The following ATP6V1A variants were observed in gnomAD, a reference collection of about 807,000 sequenced individuals.
ATP6V1A encodes V-type proton ATPase catalytic subunit A.
A neutral mutation model predicts 70.1 loss-of-function variants in ATP6V1A; 18 were observed. That is an observed-to-expected ratio of 0.26 (90% confidence interval 0.18 to 0.38). The LOEUF (loss-of-function observed/expected upper bound fraction) is 0.38, where lower values mean the gene tolerates loss of function less well. Ranked by LOEUF, ATP6V1A falls within the 10% of genes least tolerant of loss-of-function variation. The pLI, the probability that ATP6V1A is intolerant of heterozygous loss-of-function variation, is 1.00. For missense variants in ATP6V1A, 424 were observed against 772.4 expected, an observed-to-expected ratio of 0.55 and a Z score of 5.35; for synonymous variants, 232 against 253.8, an observed-to-expected ratio of 0.91 and a Z score of 0.82.
At chr3:113,794,473 A>G (rs1709131262) in intron 8 of ATP6V1A, among the ~76,000 whole-genome samples, 1 of 152,224 alleles carries the variant, frequency 6.6e-6, no homozygotes, top group South Asian at 2.1e-4. Flanking sequence ...TCAAGTGTTC[A>G]GGGCACTCTT....
chr3:113,791,341 A>C (rs1709089651), intron 8 of ATP6V1A, among the ~76,000 whole-genome samples: 1 of 147,742 alleles, frequency 6.8e-6, no homozygotes, highest in East Asian at 2.0e-4. Context: ...ATCTCTTCTT[A>C]TCTTACTCCA....
intron 9 of ATP6V1A, 27 bp downstream of exon 9, chr3:113,795,021 A>T: frequency 6.2e-7 from 1 of 1,613,400 alleles, no homozygotes; most frequent in Non-Finnish European, 8.5e-7. Flanking sequence ...CTTATCATGT[A>T]AACAAGACTG....
chr3:113,790,108 A>G (rs1448443695), intron 8 of ATP6V1A, among the ~76,000 whole-genome samples: 1 of 151,926 alleles, frequency 6.6e-6, no homozygotes, highest in Non-Finnish European at 1.5e-5. Context: ...TGTCTCTACT[A>G]AAAATACAAA....
rs546738970 is a variant in ATP6V1A, at chr3:113,782,552, A to G, written c.211+1374A>G. Among the ~76,000 whole-genome samples the G allele has an allele frequency of 9.0e-3, 1,316 of 146,958 alleles. 18 individuals are homozygous for G. The highest frequency in any genetic ancestry group is 0.031 in the African/African-American group (1,257 of 40,186). On this transcript the variant is annotated intron_variant, in intron 3 of 14. Transcript: ENST00000273398. ...TCTCTCTCTCTCTCTCTATATATAT[A>G]TATACATGTGTATATATATACGTAT... is the stretch of plus-strand genomic sequence containing the variant.
intron 8 of ATP6V1A, among the ~76,000 whole-genome samples, chr3:113,791,837 A>G (rs1199947507): frequency 6.6e-6 from 1 of 152,108 alleles, no homozygotes. Context: ...GCGACTGGCC[A>G]TGTAGCTTTT....
chr3:113,781,524 G>GA (rs541740531), intron 3 of ATP6V1A, among the ~76,000 whole-genome samples: 19 of 146,870 alleles, frequency 1.3e-4, no homozygotes, highest in Admixed American at 8.8e-4. Context: ...TCTCAGAAAA[G>GA]AAAAAAAAAA....
At chr3:113,774,805 C>T in intron 1 of ATP6V1A, among the ~76,000 whole-genome samples, 1 of 150,088 alleles carries the variant, frequency 6.7e-6, no homozygotes, top group East Asian at 1.9e-4. Context: ...AGAGTGAGAC[C>T]CTGTCTCAAA....
chr3:113,782,542 CTATA>C (rs1553709712), intron 3 of ATP6V1A, among the ~76,000 whole-genome samples: 7 of 141,166 alleles, frequency 5.0e-5, no homozygotes, highest in Admixed American at 3.6e-4. Context: ...CTCTCTCTCT[CTATA>C]TATATATATA....
chr3:113,753,133 A>G (rs1039137517), intron 1 of ATP6V1A, among the ~76,000 whole-genome samples: 1 of 152,210 alleles, frequency 6.6e-6, no homozygotes, highest in African/African-American at 2.4e-5. Context: ...GAAAAAGTTC[A>G]CCCAGTAAAA....
Position 113,788,723 on chromosome 3 carries a change from G to A in ATP6V1A, c.727G>A (p.Gly243Arg). 6.2e-7 allele frequency: 1 copy of A among 1,613,606 alleles called. No homozygotes were observed. Among genetic ancestry groups the A allele is most frequent in the Non-Finnish European group, 8.5e-7 (1 of 1,179,806 alleles). Residue 243 changes from glycine to arginine, a missense_variant, in exon 7 of 15, where the codon GGA (glycine) becomes AGA (arginine). By Grantham distance (125) the Gly-to-Arg change is moderately radical. This residue lies in a region of ATP6V1A where 22 missense variants were observed against 45.6 expected (regional missense o/e 0.48). Coordinates refer to ENST00000273398, the MANE Select transcript of ATP6V1A (RefSeq NM_001690.4). ...VLDALFPCVQ[G>R]GTTAIPGAFG... ...GTTTTCTTTGTTTAGGTGTGTCCAGGGAGGAACTACTGCTATCCCTGGAGC... is the reference window on the plus strand; with the variant it reads ...GTTTTCTTTGTTTAGGTGTGTCCAGAGAGGAACTACTGCTATCCCTGGAGC...
chr3:113,759,192 TTA>T (rs1166158908), intron 1 of ATP6V1A, among the ~76,000 whole-genome samples: 2 of 152,166 alleles, frequency 1.3e-5, no homozygotes, highest in Non-Finnish European at 2.9e-5. Context: ...GCTTTTAGCG[TTA>T]TGTCAAATCC....
chr3:113,780,113 C>A (rs375703702), intron 2 of ATP6V1A, among the ~76,000 whole-genome samples: 16 of 152,140 alleles, frequency 1.1e-4, no homozygotes, highest in Admixed American at 5.9e-4. Context: ...TTTTAAATTT[C>A]ATTATCTCTG....
Position 113,809,917 on chromosome 3 carries a change from T to C in ATP6V1A, c.*490T>C, listed in dbSNP as rs1275320421. Reference sequence around the variant, plus strand: ...TGCAAAGGAATTGCTTTGCAGGAAATATTTAATTTTCAAAAACATAATGAT... The same window carrying C: ...TGCAAAGGAATTGCTTTGCAGGAAACATTTAATTTTCAAAAACATAATGAT... On this transcript the variant is annotated 3_prime_UTR_variant, in exon 15 of 15. Coordinates refer to ENST00000273398, the MANE Select transcript of ATP6V1A (RefSeq NM_001690.4). 2 of 152,296 alleles carry C rather than the reference T, an allele frequency of 1.3e-5. No homozygotes were observed. Among genetic ancestry groups the C allele is most frequent in the Admixed American group, 1.3e-4 (2 of 15,292 alleles). 9.4% of individuals were successfully genotyped at this position (152,296 alleles called of 1,614,324 possible).
intron 1 of ATP6V1A, among the ~76,000 whole-genome samples, chr3:113,748,833 T>C (rs912219393): frequency 4.6e-5 from 7 of 152,228 alleles, no homozygotes; most frequent in Non-Finnish European, 1.0e-4. Context: ...TGTATTGATA[T>C]ATTTATGTCA....
At chr3:113,754,052 A>G (rs1489890881) in intron 1 of ATP6V1A, among the ~76,000 whole-genome samples, 2 of 152,242 alleles carry the variant, frequency 1.3e-5, no homozygotes, top group East Asian at 3.8e-4. Flanking sequence ...GGAAATAAGC[A>G]GAAAAGGAAA....
At chr3:113,762,590 A>G (rs1708718827) in intron 1 of ATP6V1A, among the ~76,000 whole-genome samples, 1 of 152,052 alleles carries the variant, frequency 6.6e-6, no homozygotes, top group African/African-American at 2.4e-5. Flanking sequence ...TGGTAAAGTC[A>G]TTTCATAGGC....
chr3:113,778,512 G>A (rs1316284782), intron 1 of ATP6V1A, among the ~76,000 whole-genome samples: 1 of 152,180 alleles, frequency 6.6e-6, no homozygotes, highest in Admixed American at 6.5e-5. Context: ...GTCTGAGGCT[G>A]CAGTGAGCTA....
At chr3:113,764,546 A>G (rs935629171) in intron 1 of ATP6V1A, among the ~76,000 whole-genome samples, 4 of 152,190 alleles carry the variant, frequency 2.6e-5, no homozygotes, top group Non-Finnish European at 4.4e-5. Context: ...CTGAAAACAG[A>G]TTTTAAAGAA....
At chr3:113,800,545 A>G (rs1054110713) in intron 12 of ATP6V1A, among the ~76,000 whole-genome samples, 1 of 152,132 alleles carries the variant, frequency 6.6e-6, no homozygotes. Context: ...GTGATAGAAA[A>G]CTGTTTACTA....
Sources: allele counts gnomAD v4.1 joint callset (sites outside exome capture counted in the v4.1 genomes callset), GRCh38; gene constraint gnomAD v4.1.1; regional missense constraint gnomAD v4.1.1; transcripts MANE v1.5; gene names NCBI Gene and HGNC (gene_info 2026-07-23, HGNC 2026-07-21).